Variants in MBNL2 observed in about 807,000 individuals in gnomAD.
MBNL2 encodes the protein muscleblind like splicing regulator 2.
MBNL2 carries 17 observed loss-of-function variants against 41.9 expected under a neutral mutation model. That is an observed-to-expected ratio of 0.41 (90% CI 0.28 to 0.61). The LOEUF (loss-of-function observed/expected upper bound fraction) is 0.61, where lower values mean the gene tolerates loss of function less well. Ranked by LOEUF, MBNL2 falls within the 20% of genes least tolerant of loss-of-function variation. MBNL2 has a pLI of 0.35. For synonymous variants in MBNL2, 195 were observed against 182.9 expected (o/e 1.07, Z -0.53); for missense variants, 336 against 505.6 (o/e 0.66, Z 3.22).
the MBNL2 span, among the ~76,000 whole-genome samples, chr13:97,205,670 G>A: frequency 2.0e-5 from 3 of 152,298 alleles, no homozygotes; most frequent in East Asian, 3.9e-4. Context: ...GAAGGTGACA[G>A]CTGTTTTTTG....
At position 97,347,097 on chromosome 13, in the gene MBNL2, C is replaced by G. The variant is rs2061950424; in HGVS notation, c.804+30C>G. The stretch of plus-strand genomic sequence containing the variant: ...GTGCGGCCGCCCGCCGCCCCTGCAC[C>G]CCGGCGCCTCTGCGGAGGCCGCTCC... On this transcript the variant is annotated intron_variant, in intron 5 of 8. Transcript: ENST00000679496. 4 of 1,486,110 alleles carry G rather than the reference C, an allele frequency of 2.7e-6. No individual in the cohort carries two copies. In the Admixed American group the frequency reaches 9.7e-5, roughly 36 times the overall value. The allele number at this position is 1,486,110 out of a possible 1,614,324, so 92.1% of individuals were successfully genotyped here.
chr13:97,312,681 C>T (rs1294531434), intron 2 of MBNL2, among the ~76,000 whole-genome samples: 1 of 152,156 alleles, frequency 6.6e-6, no homozygotes, highest in African/African-American at 2.4e-5. Context: ...TTCTAAGTAG[C>T]CCACAACTTA....
chr13:97,267,105 C>G (rs2049976220), intron 1 of MBNL2, among the ~76,000 whole-genome samples: 1 of 152,174 alleles, frequency 6.6e-6, no homozygotes. Context: ...AATGTACAAA[C>G]TATCTAGAAA....
chr13:97,336,896 CT>C (rs1355934846), intron 3 of MBNL2, among the ~76,000 whole-genome samples: 6 of 152,166 alleles, frequency 3.9e-5, no homozygotes, highest in Non-Finnish European at 7.3e-5. Context: ...AACTAAACTT[CT>C]TTACAGTACT....
At chr13:97,193,410 T>C in the MBNL2 span, among the ~76,000 whole-genome samples, 1 of 152,224 alleles carries the variant, frequency 6.6e-6, no homozygotes, top group Non-Finnish European at 1.5e-5. Flanking sequence ...GACACTGGGC[T>C]GGACTTGGCT....
At chr13:97,181,890 T>C in the MBNL2 span, among the ~76,000 whole-genome samples, 681 of 152,324 alleles carry the variant, frequency 4.5e-3, 8 homozygotes, top group Non-Finnish European at 6.3e-3. Flanking sequence ...TGAGATCTTC[T>C]GGTTGAGAAG....
chr13:97,227,008 G>A (rs1428165458), intron 1 of MBNL2, among the ~76,000 whole-genome samples: 4 of 142,346 alleles, frequency 2.8e-5, no homozygotes, highest in Admixed American at 7.4e-5. Context: ...GCAGAATTTC[G>A]CTTTCCCCCT....
intron 2 of MBNL2, among the ~76,000 whole-genome samples, chr13:97,328,144 A>G (rs2060062773): frequency 1.4e-5 from 2 of 147,518 alleles, no homozygotes; most frequent in South Asian, 4.4e-4. Context: ...AAATCCAATT[A>G]GTCCAGTTCT....
chr13:97,250,339 G>A (rs1439477695), intron 1 of MBNL2, among the ~76,000 whole-genome samples: 3 of 152,164 alleles, frequency 2.0e-5, no homozygotes, highest in South Asian at 2.1e-4. Flanking sequence ...CTGTTGAGAT[G>A]TTGGTTTCCT....
rs140597546 is a variant in MBNL2 at position 97,357,553 on chromosome 13, G to C, written c.930G>C (p.Ala310=). Reference sequence around the variant, plus strand: ...TTGAAAAAAGCAATGGTACCAGCGCGGTCTTTAACCCCAGCGTCTTGCACT... The same window carrying C: ...TTGAAAAAAGCAATGGTACCAGCGCCGTCTTTAACCCCAGCGTCTTGCACT... ...QALEKSNGTS[A]VFNPSVLHYQ... The change falls in exon 7 of 9, where the codon GCG becomes GCC. Residue 310 remains alanine (A), a synonymous_variant. Transcript: ENST00000679496. The C allele has an allele frequency of 1.2e-6, 2 of 1,613,942 alleles. No individual in the cohort carries two copies. The highest frequency in any genetic ancestry group is 1.7e-6 in the Non-Finnish European group (2 of 1,179,924).
intron 5 of MBNL2, among the ~76,000 whole-genome samples, chr13:97,354,437 T>C (rs1205257950): frequency 6.6e-6 from 1 of 152,230 alleles, no homozygotes; most frequent in Non-Finnish European, 1.5e-5. Context: ...CATGTTAATA[T>C]GCACACCCCG....
At chr13:97,350,511 G>C (rs1057118201) in intron 5 of MBNL2, among the ~76,000 whole-genome samples, 3 of 152,194 alleles carry the variant, frequency 2.0e-5, no homozygotes, top group African/African-American at 7.2e-5. Flanking sequence ...GCTCAGAGTA[G>C]AACTTCTTTC....
intron 7 of MBNL2, 77 bp downstream of exon 7, chr13:97,357,712 G>A (rs764950413): frequency 9.1e-6 from 13 of 1,433,502 alleles, no homozygotes; most frequent in South Asian, 3.4e-5. Context: ...GCTGTTTGGT[G>A]GCATCTAGTT....
chr13:97,204,639 A>T, the MBNL2 span, among the ~76,000 whole-genome samples: 2 of 152,188 alleles, frequency 1.3e-5, no homozygotes, highest in Admixed American at 6.5e-5. Flanking sequence ...ATTCTTAATT[A>T]TGTAGCCACT....
intron 1 of MBNL2, among the ~76,000 whole-genome samples, chr13:97,231,660 T>C (rs1218221883): frequency 6.6e-6 from 1 of 152,182 alleles, no homozygotes; most frequent in East Asian, 1.9e-4. Flanking sequence ...GTTCTGTGAC[T>C]ACACACAGCC....
intron 2 of MBNL2, among the ~76,000 whole-genome samples, chr13:97,285,132 T>A (rs2054169892): frequency 6.6e-6 from 1 of 152,208 alleles, no homozygotes; most frequent in Non-Finnish European, 1.5e-5. Context: ...TTTATTTATA[T>A]TTTAGGATTT....
intron 2 of MBNL2, among the ~76,000 whole-genome samples, chr13:97,324,517 C>T (rs1566417366): frequency 6.6e-6 from 1 of 152,110 alleles, no homozygotes; most frequent in Non-Finnish European, 1.5e-5. Flanking sequence ...AAAATCTAGA[C>T]TCTATGAAGT....
chr13:97,278,867 C>G (rs1295063736), intron 2 of MBNL2, among the ~76,000 whole-genome samples: 1 of 152,174 alleles, frequency 6.6e-6, no homozygotes, highest in Non-Finnish European at 1.5e-5. Context: ...CCCACAGGCA[C>G]AGGAGTAAAA....
At chr13:97,355,239 C>A (rs573036371) in intron 5 of MBNL2, among the ~76,000 whole-genome samples, 1 of 152,036 alleles carries the variant, frequency 6.6e-6, no homozygotes, top group Admixed American at 6.6e-5. Context: ...CTCCATTGGC[C>A]GTTCTAAATC....
Sources: allele counts gnomAD v4.1 joint callset (sites outside exome capture counted in the v4.1 genomes callset), GRCh38; gene constraint gnomAD v4.1.1; transcripts MANE v1.5; gene names NCBI Gene and HGNC (gene_info 2026-07-23, HGNC 2026-07-21).